Variants in KIFC2 observed in about 807,000 individuals in gnomAD.
The protein encoded by KIFC2 is kinesin-like protein KIFC2.
In KIFC2, 94 loss-of-function variants were observed where a neutral mutation model predicts 91.5. The ratio of observed to expected loss-of-function variants is 1.03; its 90% CI spans 0.87 to 1.22. The LOEUF (loss-of-function observed/expected upper bound fraction) is 1.22, where lower values mean the gene tolerates loss of function less well. KIFC2 is among the 50% of genes most tolerant of loss of function. The pLI, the probability that KIFC2 is intolerant of heterozygous loss-of-function variation, is 0.00. For missense variants in KIFC2, 1,357 were observed against 1,103.3 expected (o/e 1.23, Z -3.26); for synonymous variants, 729 against 503.9 (o/e 1.45, Z -5.98).
At position 144,472,811 on chromosome 8, in the gene KIFC2, G is replaced by C. The variant is rs1824986175; in HGVS notation, c.1878G>C (p.Val626=). 7.6e-6 allele frequency: 12 copies of C among 1,585,130 alleles called. No individual in the cohort carries two copies. Among genetic ancestry groups the C allele is most frequent in the Non-Finnish European group, 1.0e-5 (12 of 1,174,840 alleles). Residue 626 remains valine (V), a synonymous_variant, in exon 17 of 18, where the codon GTG becomes GTC. Transcript: ENST00000645548. ...CCCCTCTAGGCACGCTGCACCTGGTGGACCTGGCGGGATCCGAACGCGCAC... is the reference window on the plus strand; with the variant it reads ...CCCCTCTAGGCACGCTGCACCTGGTCGACCTGGCGGGATCCGAACGCGCAC... The part of the protein sequence containing the change: ...APGTAGTLHL[V]DLAGSERARK...
Position 144,467,963 on chromosome 8 carries a change from C to CG in KIFC2, c.789dup (p.Pro264AlafsTer62). The CG allele has an allele frequency of 6.3e-7, 1 of 1,585,706 alleles. No homozygotes were observed. Among genetic ancestry groups the CG allele is most frequent in the Non-Finnish European group, 8.5e-7 (1 of 1,170,570 alleles). ...GGGACCTCCTGCTGCACTGGGGCCC[C>CG]GGGCCCCCCATCAGGGCTCCGCAGG... On this transcript the variant is annotated frameshift_variant, in exon 7 of 18. Transcript: ENST00000645548. LOFTEE classifies it high-confidence loss of function.
At chr8:144,468,199 G>A (rs1824765713) in intron 7 of KIFC2, 130 bp from the exon 8 acceptor site, 2 of 1,035,764 alleles carry the variant, frequency 1.9e-6, no homozygotes, top group Non-Finnish European at 2.8e-6. Flanking sequence ...TGGGAAGGAG[G>A]TCTGCGTGGA....
intron 7 of KIFC2, 158 bp downstream of exon 7, chr8:144,468,145 C>T (rs973954841): frequency 3.6e-6 from 4 of 1,102,382 alleles, no homozygotes; most frequent in Non-Finnish European, 5.1e-6. Context: ...CCCCCCTCTC[C>T]GTGGCCCCTC....
chr8:144,471,137 T>C (rs915080311), intron 12 of KIFC2, among the ~76,000 whole-genome samples: 2 of 125,542 alleles, frequency 1.6e-5, no homozygotes, highest in Admixed American at 1.8e-4. Context: ...CTAATTTTTG[T>C]ATTTTTAGTA....
intron 7 of KIFC2, 126 bp downstream of exon 7, chr8:144,468,113 G>T (rs1824759509): frequency 1.6e-5 from 20 of 1,277,096 alleles, no homozygotes; most frequent in Middle Eastern, 2.7e-4. Context: ...CCCCATCAGG[G>T]AGGCTGATGC....
In KIFC2 at chr8:144,466,839, G is replaced by C; in HGVS notation, c.178+1G>C. ...TGGACCGAGCTGACCGGCCTGGCCG[G>C]TAGGTGCGGGCTGGGAGTCCCGCGG... is the stretch of plus-strand genomic sequence containing the variant. On this transcript the variant is annotated splice_donor_variant, in intron 2 of 17. Transcript: ENST00000645548. LOFTEE classifies it high-confidence loss of function. The C allele has an allele frequency of 3.3e-6, 5 of 1,536,974 alleles. No homozygotes were observed. Among genetic ancestry groups the C allele is most frequent in the Non-Finnish European group, 4.4e-6 (5 of 1,148,246 alleles).
chr8:144,472,288 C>T (rs1277391629), intron 14 of KIFC2, 29 bp downstream of exon 14: 3 of 1,613,418 alleles, frequency 1.9e-6, no homozygotes, highest in Admixed American at 1.7e-5. Context: ...GAGGCCTTCT[C>T]CCCACCCCTG....
rs751290604 is a variant in KIFC2, at chr8:144,466,854, G to A, written c.178+16G>A. 20 of 1,536,590 alleles carry A rather than the reference G, an allele frequency of 1.3e-5. No homozygotes were observed. The highest frequency in any genetic ancestry group is 1.7e-5 in the Non-Finnish European group (20 of 1,147,918). On this transcript the variant is annotated intron_variant, in intron 2 of 17. Transcript: ENST00000645548. ...GGCCTGGCCGGTAGGTGCGGGCTGGGAGTCCCGCGGTGCGAGGGCGGTGCC... is the reference window on the plus strand; with the variant it reads ...GGCCTGGCCGGTAGGTGCGGGCTGGAAGTCCCGCGGTGCGAGGGCGGTGCC...
chr8:144,469,709 G>A (rs1824851923), intron 12 of KIFC2, 62 bp downstream of exon 12: 1 of 1,510,832 alleles, frequency 6.6e-7, no homozygotes, highest in Non-Finnish European at 8.8e-7. Flanking sequence ...GAGCAGGAGA[G>A]GCTCCAGTTT....
At chr8:144,466,862 C>G in intron 2 of KIFC2, 24 bp downstream of exon 2, 1 of 1,536,586 alleles carries the variant, frequency 6.5e-7, no homozygotes, top group Non-Finnish European at 8.7e-7. Flanking sequence ...GGGAGTCCCG[C>G]GGTGCGAGGG....
At chr8:144,466,296 G>A (rs1824632904), upstream of KIFC2, 1 of 237,534 alleles carries the variant, frequency 4.2e-6, no homozygotes, top group Non-Finnish European at 7.7e-6. Flanking sequence ...TCCAGCCGTG[G>A]GAGCCGGGCC....
rs778035239 is a variant in KIFC2 at position 144,469,540 on chromosome 8, G to A, written c.1273G>A (p.Val425Met). 2 of 1,613,910 alleles carry A rather than the reference G, an allele frequency of 1.2e-6. No homozygotes were observed. The highest frequency in any genetic ancestry group is 1.1e-5 in the South Asian group (1 of 91,086). ...RLRPGTSSSL[V>M]SVEPGPGGTV... ...GAGGCCAGGGACATCTTCTAGCCTT[G>A]TGAGTGTGGAGCCTGGCCCAGGGGG... Residue 425 changes from valine (V) to methionine (M), a missense_variant, in exon 12 of 18, where the codon GTG (valine) becomes ATG (methionine). Transcript: ENST00000645548.
Position 144,468,387 on chromosome 8 carries a change from C to G in KIFC2, c.869C>G (p.Thr290Arg), listed in dbSNP as rs772361475. ...CGGCTTCAGGAGGCCCAAGACACCA[C>G]AGAAGCCCTCCGAGCCCAGGTGGGC... Reference protein sequence around the residue: ...QGRLQEAQDTTEALRAQLGVQ... With the variant: ...QGRLQEAQDTREALRAQLGVQ... The change falls in exon 8 of 18, where the codon ACA becomes AGA. Residue 290 changes from threonine to arginine, a missense_variant. Physicochemically the swap from Thr to Arg is moderately conservative, Grantham distance 71. Transcript: ENST00000645548. The G allele has an allele frequency of 2.5e-6, 4 of 1,612,836 alleles. No individual in the cohort carries two copies. The highest frequency in any genetic ancestry group is 2.7e-5 in the African/African-American group (2 of 74,920).
At chr8:144,468,875 C>T (rs1586721238) in intron 10 of KIFC2, 41 bp downstream of exon 10, 4 of 1,528,550 alleles carry the variant, frequency 2.6e-6, no homozygotes, top group East Asian at 2.2e-5. Flanking sequence ...CTCTGGGCAG[C>T]CTATTCACTG....
chr8:144,467,422 T>C (rs915076316), intron 4 of KIFC2, 63 bp from the exon 5 acceptor site: 2 of 1,541,832 alleles, frequency 1.3e-6, no homozygotes, highest in Admixed American at 4.1e-5. Context: ...GAGTTCGGGG[T>C]CATGTTCCGG....
intron 7 of KIFC2, 73 bp from the exon 8 acceptor site, chr8:144,468,256 G>T: frequency 2.2e-6 from 3 of 1,390,156 alleles, no homozygotes; most frequent in South Asian, 1.2e-5. Context: ...CTCTTGACTT[G>T]ACTTTCCCAT....
Position 144,472,877 on chromosome 8 carries a change from C to A in KIFC2, c.1944C>A (p.Asp648Glu). ...GAAGPPRGDP[D>E]GARRLREAQT... ...CCGGCCCGCCGCGGGGAGACCCAGACGGCGCCCGGCGCCTGCGGGAGGCCC... is the reference window on the plus strand; with the variant it reads ...CCGGCCCGCCGCGGGGAGACCCAGAAGGCGCCCGGCGCCTGCGGGAGGCCC... The change falls in exon 17 of 18, where the codon GAC becomes GAA. Residue 648 changes from aspartate to glutamate, a missense_variant. By Grantham distance (45) the Asp-to-Glu change is conservative. Transcript: ENST00000645548. The A allele has an allele frequency of 6.6e-7, 1 of 1,525,126 alleles. No individual in the cohort carries two copies. The allele number at this position is 1,525,126 out of a possible 1,614,324, so 94.5% of individuals were successfully genotyped here. A position where few individuals can be genotyped will look rare whatever the true frequency, so the allele number is the denominator to read the frequency against.
Position 144,468,968 on chromosome 8 carries a change from G to A in KIFC2, c.1113+134G>A, listed in dbSNP as rs571791427. 6 of 706,670 alleles carry A rather than the reference G, an allele frequency of 8.5e-6. 1 individual carries two copies. The highest frequency in any genetic ancestry group is 5.4e-5 in the South Asian group (3 of 55,300). The allele number at this position is 706,670 out of a possible 1,614,324, so 43.8% of individuals were successfully genotyped here. On this transcript the variant is annotated intron_variant, in intron 10 of 17. Transcript: ENST00000645548. ...ACCCAAACAGCTTCTGTGTGACCCA[G>A]GGTGGGATTCCACTTCTGGGCCTTA...
rs775341765 is a variant in KIFC2, at chr8:144,471,963, G to A, written c.1402G>A (p.Ala468Thr). 1.9e-6 allele frequency: 3 copies of A among 1,613,388 alleles called. No homozygotes were observed. Among genetic ancestry groups the A allele is most frequent in the Non-Finnish European group, 2.5e-6 (3 of 1,180,018 alleles). ...QEEVFRELEP[A>T]VLSCLRGYSV... ...GCAGGTCTTCAGAGAGCTGGAACCT[G>A]CGGTGCTGTCCTGCCTCCGAGGCTA... Residue 468 changes from alanine to threonine, a missense_variant, in exon 13 of 18, where the codon GCG becomes ACG. By Grantham distance (58) the Ala-to-Thr change is moderately conservative. Coordinates refer to ENST00000645548, the MANE Select transcript of KIFC2 (RefSeq NM_001369769.2).
Sources: allele counts gnomAD v4.1 joint callset (sites outside exome capture counted in the v4.1 genomes callset), GRCh38; gene constraint gnomAD v4.1.1; transcripts MANE v1.5; gene names NCBI Gene and HGNC (gene_info 2026-07-23, HGNC 2026-07-21).